NT5C1A: variants seen among roughly 807,000 people sequenced by gnomAD.
The protein encoded by NT5C1A is cytosolic 5'-nucleotidase 1A.
In NT5C1A, 18 loss-of-function variants were observed where a neutral mutation model predicts 31.0. The ratio of observed to expected loss-of-function variants is 0.58; its 90% CI spans 0.40 to 0.86. NT5C1A has a LOEUF of 0.86. NT5C1A is among the 40% of genes least tolerant of loss of function. The probability of loss-of-function intolerance (pLI) is 0.00; values close to 1 mark genes in which losing one functional copy is unlikely to be tolerated. For missense variants in NT5C1A, 470 were observed against 505.4 expected (o/e 0.93, Z 0.67); for synonymous variants, 185 against 203.6 (o/e 0.91, Z 0.78).
Position 39,658,993 on chromosome 1 carries a change from A to C in NT5C1A, c.*128T>G. The C allele has an allele frequency of 1.6e-6, 2 of 1,270,544 alleles. No homozygotes were observed. Among genetic ancestry groups the C allele is most frequent in the South Asian group, 3.0e-5 (2 of 67,764 alleles). The allele number at this position is 1,270,544 out of a possible 1,614,324, so 78.7% of individuals were successfully genotyped here. On this transcript the variant is annotated 3_prime_UTR_variant, in exon 6 of 6. Coordinates refer to ENST00000235628, the MANE Select transcript of NT5C1A (RefSeq NM_032526.3). ...CTGCATAATTTCCTACAAGTACATC[A>C]CTCATAGGGATGAGGGCAGACAGGC...
At chr1:39,671,648 G>C (rs1190627161) in intron 1 of NT5C1A, among the ~76,000 whole-genome samples, 1 of 152,168 alleles carries the variant, frequency 6.6e-6, no homozygotes, top group Non-Finnish European at 1.5e-5. Context: ...CTGGGGCTGC[G>C]GGCCTCTAGC....
intron 1 of NT5C1A, among the ~76,000 whole-genome samples, chr1:39,671,419 C>T (rs1646551012): frequency 6.6e-6 from 1 of 152,202 alleles, no homozygotes; most frequent in Non-Finnish European, 1.5e-5. Context: ...GCGGGGAGCG[C>T]ACTGCCCCCA....
rs1295621465 is a variant in NT5C1A at position 39,658,371 on chromosome 1, C to G, written c.*750G>C. On this transcript the variant is annotated 3_prime_UTR_variant, in exon 6 of 6. Transcript: ENST00000235628. ...ATGTGTAAAATTATAGATAGAGTTG[C>G]TGGGGGCGATTTTGCATTTTGTCCA... 1.3e-5 allele frequency among the ~76,000 whole-genome samples: 2 copies of G among 152,160 alleles called. No homozygotes were observed. Among genetic ancestry groups the G allele is most frequent in the African/African-American group, 4.8e-5 (2 of 41,414 alleles).
chr1:39,663,191 G>T, intron 4 of NT5C1A, 121 bp downstream of exon 4: 1 of 1,096,072 alleles, frequency 9.1e-7, no homozygotes, highest in Non-Finnish European at 1.4e-6. Context: ...GTATTGCTCA[G>T]CCTTGCCTTC....
At position 39,656,194 on chromosome 1, in the gene NT5C1A, G is replaced by T. The variant is rs1481699857; in HGVS notation, c.*2927C>A. On this transcript the variant is annotated 3_prime_UTR_variant, in exon 6 of 6. Transcript: ENST00000235628. Reference sequence around the variant, plus strand: ...GGAAGTGGTGCTCTCAGCTAAAGGGGTCCAGTGTTTCAGAAGCCGTGGCTG... The same window carrying T: ...GGAAGTGGTGCTCTCAGCTAAAGGGTTCCAGTGTTTCAGAAGCCGTGGCTG... 6.6e-6 allele frequency among the ~76,000 whole-genome samples: 1 copy of T among 152,188 alleles called. No homozygotes were observed. Among genetic ancestry groups the T allele is most frequent in the East Asian group, 1.9e-4 (1 of 5,194 alleles).
chr1:39,658,275 C>T lies in NT5C1A; in HGVS notation c.*846G>A, dbSNP rs1646473400. Among the ~76,000 whole-genome samples the T allele has an allele frequency of 6.6e-6, 1 of 152,246 alleles. No homozygotes were observed. Among genetic ancestry groups the T allele is most frequent in the Admixed American group, 6.5e-5 (1 of 15,292 alleles). On this transcript the variant is annotated 3_prime_UTR_variant, in exon 6 of 6. Transcript: ENST00000235628. ...CAATTCACTCCCCTTGCTTCCTGGGCTGAGCCCTGATGACCATTCAGGTTA... is the reference window on the plus strand; with the variant it reads ...CAATTCACTCCCCTTGCTTCCTGGGTTGAGCCCTGATGACCATTCAGGTTA...
At chr1:39,669,645 G>T (rs1269309213) in intron 1 of NT5C1A, among the ~76,000 whole-genome samples, 1 of 152,184 alleles carries the variant, frequency 6.6e-6, no homozygotes, top group African/African-American at 2.4e-5. Context: ...TGATCCAGGG[G>T]TCATGACTGA....
At chr1:39,671,840 CTT>C (rs1646553838) in intron 1 of NT5C1A, 62 bp downstream of exon 1, 1 of 1,598,066 alleles carries the variant, frequency 6.3e-7, no homozygotes, top group African/African-American at 1.4e-5. Context: ...TCCCAAGAGA[CTT>C]ATGACCCCTC....
Position 39,654,344 on chromosome 1 carries a change from A to C in NT5C1A, c.*4777T>G, listed in dbSNP as rs937696943. 9.2e-5 allele frequency among the ~76,000 whole-genome samples: 14 copies of C among 152,182 alleles called. 1 individual carries two copies. Among genetic ancestry groups the C allele is most frequent in the Admixed American group, 9.2e-4 (14 of 15,286 alleles). On this transcript the variant is annotated 3_prime_UTR_variant, in exon 6 of 6. Transcript: ENST00000235628. Reference sequence around the variant, plus strand: ...ACGGACTTGTTCTTGCTTTCACAGAAAGTACATGGATGACCTTGTTGGCTC... The same window carrying C: ...ACGGACTTGTTCTTGCTTTCACAGACAGTACATGGATGACCTTGTTGGCTC...
rs188675570 is a variant in NT5C1A, at chr1:39,655,648, C to G, written c.*3473G>C. Among the ~76,000 whole-genome samples the G allele has an allele frequency of 1.3e-5, 2 of 152,262 alleles. No individual in the cohort carries two copies. The highest frequency in any genetic ancestry group is 3.9e-4 in the East Asian group (2 of 5,176). On this transcript the variant is annotated 3_prime_UTR_variant, in exon 6 of 6. Transcript: ENST00000235628. Reference sequence around the variant, plus strand: ...ATGAGTTTGAGTCCCAGCACTGCCACTTACTAGCTCTATGGCTTTGGACAA... The same window carrying G: ...ATGAGTTTGAGTCCCAGCACTGCCAGTTACTAGCTCTATGGCTTTGGACAA...
At position 39,651,274 on chromosome 1, in the gene NT5C1A, G is replaced by C. The variant is rs1398372786; in HGVS notation, c.*7847C>G. ...TTATTTGAATGGCTTTTAAGAAGCA[G>C]AAGCACATGTGGTAAAATTAAGGTA... On this transcript the variant is annotated 3_prime_UTR_variant, in exon 6 of 6. Coordinates refer to ENST00000235628, the MANE Select transcript of NT5C1A (RefSeq NM_032526.3). 2.6e-5 allele frequency among the ~76,000 whole-genome samples: 4 copies of C among 152,230 alleles called. No individual in the cohort carries two copies. In the South Asian group the frequency reaches 6.2e-4, roughly 24 times the overall value.
intron 3 of NT5C1A, among the ~76,000 whole-genome samples, chr1:39,663,984 G>A (rs1646504953): frequency 6.6e-6 from 1 of 152,170 alleles, no homozygotes; most frequent in African/African-American, 2.4e-5. Context: ...TATAGGGAGA[G>A]TCTGTCCTGA....
Position 39,663,336 on chromosome 1 carries a change from T to C in NT5C1A, c.532A>G (p.Lys178Glu), listed in dbSNP as rs145857003. 3.7e-6 allele frequency: 6 copies of C among 1,614,078 alleles called. No homozygotes were observed. In the African/African-American group the frequency reaches 8.0e-5, roughly 22 times the overall value. The change falls in exon 4 of 6, where the codon AAA (lysine) becomes GAA (glutamate). Residue 178 changes from lysine (K) to glutamate (E), a missense_variant. Lys to Glu is a moderately conservative substitution (Grantham distance 56). Coordinates refer to ENST00000235628, the MANE Select transcript of NT5C1A (RefSeq NM_032526.3). ...CCCTCATCAATGGCTTCTCGCACTT[T>C]TTCCGCATCGGCTGACAAGTAGAGG... ...TNLYLSADAE[K>E]VREAIDEGIA...
At chr1:39,671,374 A>C (rs1297197523) in intron 1 of NT5C1A, among the ~76,000 whole-genome samples, 1 of 152,058 alleles carries the variant, frequency 6.6e-6, no homozygotes, top group Admixed American at 6.5e-5. Flanking sequence ...TGTGGATCCC[A>C]GTGCCTGGAG....
rs1263106415 is a variant in NT5C1A at position 39,659,115 on chromosome 1, G to A, written c.*6C>T. ...GCAATGTGGATCAGTAAAGCCGGTGGTTCAGCTACTGTGCAGATGGGGCCT... is the reference window on the plus strand; with the variant it reads ...GCAATGTGGATCAGTAAAGCCGGTGATTCAGCTACTGTGCAGATGGGGCCT... On this transcript the variant is annotated 3_prime_UTR_variant, in exon 6 of 6. Transcript: ENST00000235628. 1 of 1,582,102 alleles carries A rather than the reference G, an allele frequency of 6.3e-7. No individual in the cohort carries two copies. The highest frequency in any genetic ancestry group is 8.6e-7 in the Non-Finnish European group (1 of 1,161,598).
At position 39,659,433 on chromosome 1, in the gene NT5C1A, G is replaced by A. The variant is rs762864510; in HGVS notation, c.795C>T (p.Tyr265=). The change falls in exon 6 of 6, where the codon TAC becomes TAT. Residue 265 remains tyrosine, a synonymous_variant. Coordinates refer to ENST00000235628, the MANE Select transcript of NT5C1A (RefSeq NM_032526.3). ...GGCACTCCAGCCGCAGGCCTTTGGA[G>A]TAGAACTTCTTCTGCAACCTACCCA... ...EALGRLQKKF[Y]SKGLRLECPI... 17 of 1,608,362 alleles carry A rather than the reference G, an allele frequency of 1.1e-5. No homozygotes were observed. The highest frequency in any genetic ancestry group is 1.3e-5 in the African/African-American group (1 of 74,886).
chr1:39,660,431 C>A (rs1048769992), intron 5 of NT5C1A, among the ~76,000 whole-genome samples: 53 of 152,332 alleles, frequency 3.5e-4, no homozygotes, highest in African/African-American at 1.3e-3. Context: ...TTCTGAGAGA[C>A]ACTGAGCAGT....
intron 2 of NT5C1A, 55 bp from the exon 3 acceptor site, chr1:39,665,705 T>G (rs764523143): frequency 1.9e-5 from 30 of 1,578,538 alleles, no homozygotes; most frequent in Non-Finnish European, 2.5e-5. Context: ...ATACCTGAAG[T>G]TGGTGGCCAA....
intron 3 of NT5C1A, among the ~76,000 whole-genome samples, chr1:39,664,493 CCT>C (rs138238378): frequency 8.9e-5 from 3 of 33,874 alleles, no homozygotes; most frequent in East Asian, 9.6e-4. Context: ...GATTTCTCCT[CCT>C]CTCCTCTCCT....
Sources: gnomAD v4.1 joint callset for allele counts (sites outside exome capture counted in the v4.1 genomes callset) on GRCh38, gnomAD v4.1.1 for gene constraint, MANE v1.5 for transcripts, NCBI Gene and HGNC (gene_info 2026-07-23, HGNC 2026-07-21) for gene names.